Variants in OTUB2 observed in about 807,000 individuals in gnomAD.
OTUB2 encodes ubiquitin thioesterase OTUB2.
A neutral mutation model predicts 25.1 loss-of-function variants in OTUB2; 21 were observed. The observed-to-expected ratio is 0.84, with a 90% CI of 0.59 to 1.21. OTUB2 has a LOEUF of 1.21. Among genes scored for constraint, OTUB2 ranks in the 50% most tolerant of loss-of-function variants. The pLI is 0.00. For missense variants in OTUB2, 283 were observed against 298.0 expected (o/e 0.95, Z 0.37); for synonymous variants, 122 against 122.8 (o/e 0.99, Z 0.04).
intron 1 of OTUB2, among the ~76,000 whole-genome samples, chr14:94,029,723 A>C (rs1884924353): frequency 3.3e-5 from 5 of 152,184 alleles, no homozygotes; most frequent in Admixed American, 3.3e-4. Context: ...CTCCGTATAC[A>C]TTTCTGGAGC....
At chr14:94,035,471 A>G (rs544194909) in intron 1 of OTUB2, among the ~76,000 whole-genome samples, 109 of 151,738 alleles carry the variant, frequency 7.2e-4, no homozygotes, top group African/African-American at 2.5e-3. Context: ...TTGTATTTTT[A>G]GTAGAGACGA....
chr14:94,039,022 C>T lies in OTUB2; in HGVS notation c.159C>T (p.Tyr53=), dbSNP rs759259532. 2 of 1,614,222 alleles carry T rather than the reference C, an allele frequency of 1.2e-6. No individual in the cohort carries two copies. Among genetic ancestry groups the T allele is most frequent in the Non-Finnish European group, 1.7e-6 (2 of 1,180,042 alleles). Residue 53 remains tyrosine (Y), a synonymous_variant, in exon 3 of 6, where the codon TAC becomes TAT. Coordinates refer to ENST00000203664, the MANE Select transcript of OTUB2 (RefSeq NM_023112.4). ...RKTKGDGNCF[Y]RALGYSYLES... The stretch of plus-strand genomic sequence containing the variant: ...CCAAAGGGGATGGGAACTGCTTCTA[C>T]AGGGCCTTGGGCTATTCCTACCTGG...
intron 1 of OTUB2, among the ~76,000 whole-genome samples, chr14:94,027,728 G>A (rs1881065157): frequency 6.6e-6 from 1 of 152,210 alleles, no homozygotes; most frequent in Non-Finnish European, 1.5e-5. Context: ...CCTGGTCATG[G>A]CCTGGCACGA....
Position 94,046,033 on chromosome 14 carries a change from C to A in OTUB2, c.*111C>A. 3.9e-6 allele frequency: 5 copies of A among 1,273,160 alleles called. No homozygotes were observed. The highest frequency in any genetic ancestry group is 2.0e-5 in the Admixed American group (1 of 49,898). 78.9% of individuals were successfully genotyped at this position (1,273,160 alleles called of 1,614,324 possible). ...ATTTAGACTGTAGCAAGAAAATGTG[C>A]AGCCTTTTGGGCAAAGCCCCTGGGA... On this transcript the variant is annotated 3_prime_UTR_variant, in exon 6 of 6. Coordinates refer to ENST00000203664, the MANE Select transcript of OTUB2 (RefSeq NM_023112.4).
chr14:94,031,247 A>G (rs1884955713), intron 1 of OTUB2, among the ~76,000 whole-genome samples: 1 of 151,920 alleles, frequency 6.6e-6, no homozygotes, highest in Non-Finnish European at 1.5e-5. Flanking sequence ...AGAAAAAAAA[A>G]AAAAAGAAAA....
intron 3 of OTUB2, among the ~76,000 whole-genome samples, chr14:94,042,390 C>T (rs543616332): frequency 2.4e-3 from 360 of 152,202 alleles, no homozygotes; most frequent in African/African-American, 8.4e-3. Flanking sequence ...TCTGACAGAG[C>T]CTACGACTGC....
rs1885302028 is a variant in OTUB2, at chr14:94,047,533, C to T, written c.*1611C>T. 6.6e-6 allele frequency: 1 copy of T among 152,146 alleles called. No homozygotes were observed. The highest frequency in any genetic ancestry group is 6.5e-5 in the Admixed American group (1 of 15,286). The allele number at this position is 152,146 out of a possible 1,614,324, so 9.4% of individuals were successfully genotyped here. On this transcript the variant is annotated 3_prime_UTR_variant, in exon 6 of 6. Transcript: ENST00000203664. ...GTCACCTCTGAATTTGTTCAGTGTC[C>T]CACCATGGTCTATGAGAAGTACACT...
chr14:94,038,289 T>A (rs1170006750), intron 2 of OTUB2, among the ~76,000 whole-genome samples: 1 of 152,216 alleles, frequency 6.6e-6, no homozygotes, highest in East Asian at 1.9e-4. Context: ...GCCCACTGAC[T>A]TTTGTGTCCC....
chr14:94,045,583 C>T, intron 5 of OTUB2, 133 bp from the exon 6 acceptor site: 2 of 838,286 alleles, frequency 2.4e-6, no homozygotes, highest in South Asian at 3.4e-5. Context: ...CCATACCCAA[C>T]TCATGGGATG....
chr14:94,031,288 A>G (rs35169460), intron 1 of OTUB2, among the ~76,000 whole-genome samples: 34,384 of 151,936 alleles, frequency 0.23, 4,060 homozygotes, highest in East Asian at 0.37. Flanking sequence ...GCATGCATAC[A>G]TATGTCACAT....
chr14:94,033,650 C>A (rs1298381918), intron 1 of OTUB2, among the ~76,000 whole-genome samples: 3 of 152,186 alleles, frequency 2.0e-5, no homozygotes, highest in African/African-American at 7.2e-5. Flanking sequence ...GGCTTTTATA[C>A]AGTATAAACA....
intron 1 of OTUB2, among the ~76,000 whole-genome samples, chr14:94,027,204 G>A (rs1238860766): frequency 6.6e-6 from 1 of 152,266 alleles, no homozygotes; most frequent in Non-Finnish European, 1.5e-5. Context: ...CTAACCCTGG[G>A]CTTGGGCAGG....
intron 3 of OTUB2, among the ~76,000 whole-genome samples, chr14:94,039,613 GA>G (rs5810655): frequency 6.7e-6 from 1 of 148,818 alleles, no homozygotes. Context: ...TCCATAGCAA[GA>G]AAAAAAAAAG....
At chr14:94,043,870 G>A (rs1885208777) in intron 3 of OTUB2, 101 bp from the exon 4 acceptor site, 1 of 1,033,282 alleles carries the variant, frequency 9.7e-7, no homozygotes, top group Admixed American at 1.7e-5. Flanking sequence ...GACTAGAGAT[G>A]AGGTTGGTGG....
At chr14:94,026,976 C>T (rs113515659) in intron 1 of OTUB2, among the ~76,000 whole-genome samples, 109 of 152,372 alleles carry the variant, frequency 7.2e-4, no homozygotes, top group African/African-American at 2.4e-3. Context: ...GCCCCTGCCC[C>T]AACCCCAAGG....
chr14:94,039,230 T>A (rs1885114330), intron 3 of OTUB2, 149 bp downstream of exon 3: 1 of 641,654 alleles, frequency 1.6e-6, no homozygotes, highest in African/African-American at 1.8e-5. Flanking sequence ...ATGTTGGGGG[T>A]GCCCAGCTGC....
intron 1 of OTUB2, 131 bp downstream of exon 1, chr14:94,026,671 T>A: frequency 1.0e-6 from 1 of 983,586 alleles, no homozygotes. Context: ...CCCCCGCCGC[T>A]TTCCGACCCC....
chr14:94,026,608 A>G, intron 1 of OTUB2, 68 bp downstream of exon 1: 3 of 994,772 alleles, frequency 3.0e-6, no homozygotes, highest in Non-Finnish European at 3.9e-6. Flanking sequence ...TCGCTGCCGG[A>G]GCGGGTGCAC....
Position 94,048,640 on chromosome 14 carries a change from T to C in OTUB2, c.*2718T>C, listed in dbSNP as rs1309062868. 2 of 152,224 alleles carry C rather than the reference T, an allele frequency of 1.3e-5. No homozygotes were observed. The highest frequency in any genetic ancestry group is 3.8e-4 in the East Asian group (2 of 5,198). The allele number at this position is 152,224 out of a possible 1,614,324, so 9.4% of individuals were successfully genotyped here. A position where few individuals can be genotyped will look rare whatever the true frequency, so the allele number is the denominator to read the frequency against. ...TCATCGTATGGGCTCTGCAAAGGGA[T>C]ATTCCCCAACCTGTCCTTCCTGACA... On this transcript the variant is annotated 3_prime_UTR_variant, in exon 6 of 6. Transcript: ENST00000203664.
Sources: allele counts gnomAD v4.1 joint callset (sites outside exome capture counted in the v4.1 genomes callset), GRCh38; gene constraint gnomAD v4.1.1; transcripts MANE v1.5; gene names NCBI Gene and HGNC (gene_info 2026-07-23, HGNC 2026-07-21).